FREM1: variants seen among roughly 807,000 people sequenced by gnomAD.
FREM1 encodes the protein FRAS1-related extracellular matrix protein 1.
In FREM1, 220 loss-of-function variants were observed where a neutral mutation model predicts 210.1. The observed-to-expected ratio is 1.05, with a 90% confidence interval of 0.94 to 1.17. FREM1 has a LOEUF of 1.17. Among genes scored for constraint, FREM1 ranks in the 50% most tolerant of loss-of-function variants. The pLI is 0.00. For missense variants in FREM1, 3,454 were observed against 2,675.5 expected (o/e 1.29, Z -6.42); for synonymous variants, 1,189 against 980.2 (o/e 1.21, Z -3.98).
At chr9:14,841,389 C>T in intron 10 of FREM1, 58 bp downstream of exon 10, 1 of 1,383,820 alleles carries the variant, frequency 7.2e-7, no homozygotes, top group Non-Finnish European at 9.7e-7. Flanking sequence ...AACCACATCT[C>T]CTAGAATTGA....
At chr9:14,873,160 GTA>G (rs1833017010) in intron 1 of FREM1, among the ~76,000 whole-genome samples, 1 of 152,068 alleles carries the variant, frequency 6.6e-6, no homozygotes, top group Non-Finnish European at 1.5e-5. Context: ...CCAGGCTTTG[GTA>G]TCAGGATGAT....
intron 14 of FREM1, 62 bp from the exon 15 acceptor site, chr9:14,816,933 T>C: frequency 1.9e-6 from 1 of 533,260 alleles, no homozygotes; most frequent in Non-Finnish European, 3.2e-6. Flanking sequence ...TTGAGATGCA[T>C]GATACATGAG....
At chr9:14,875,225 A>G (rs1418016327) in intron 1 of FREM1, among the ~76,000 whole-genome samples, 1 of 152,104 alleles carries the variant, frequency 6.6e-6, no homozygotes, top group African/African-American at 2.4e-5. Flanking sequence ...GCCTTGCTAG[A>G]TTGGGGAAGT....
intron 2 of FREM1, among the ~76,000 whole-genome samples, chr9:14,864,164 T>C (rs1489227619): frequency 6.6e-6 from 1 of 152,224 alleles, no homozygotes; most frequent in Non-Finnish European, 1.5e-5. Context: ...AAGGGATGAT[T>C]ACGTCTCTAA....
chr9:14,894,754 T>C lies in FREM1; in HGVS notation c.-268+15160A>G, dbSNP rs576075253. The stretch of plus-strand genomic sequence containing the variant: ...AATTTGGAGCATGTTTGTTTCTCTC[T>C]ACCTGATTTTGCCAGAATTTGGAAA... On this transcript the variant is annotated intron_variant, in intron 1 of 36. Transcript: ENST00000380880. 1.1e-4 allele frequency among the ~76,000 whole-genome samples: 17 copies of C among 152,366 alleles called. No individual in the cohort carries two copies. In the South Asian group the frequency reaches 3.5e-3, roughly 32 times the overall value.
At chr9:14,861,570 A>G (rs1564109799) in intron 3 of FREM1, among the ~76,000 whole-genome samples, 1 of 139,794 alleles carries the variant, frequency 7.2e-6, no homozygotes, top group East Asian at 2.1e-4. Flanking sequence ...GCAGTGCTGT[A>G]ATCTCGGCTC....
intron 10 of FREM1, among the ~76,000 whole-genome samples, chr9:14,834,787 T>C (rs952113323): frequency 1.2e-4 from 18 of 152,170 alleles, no homozygotes; most frequent in African/African-American, 4.1e-4. Context: ...TGTTCAAAAA[T>C]TGTATGGGTT....
chr9:14,865,673 G>A (rs1374489270), intron 2 of FREM1, among the ~76,000 whole-genome samples: 1 of 150,342 alleles, frequency 6.7e-6, no homozygotes, highest in African/African-American at 2.5e-5. Flanking sequence ...GTGTGTGTGT[G>A]TGTGTGTGTG....
chr9:14,880,742 A>T (rs1199744898), intron 1 of FREM1, among the ~76,000 whole-genome samples: 3 of 152,250 alleles, frequency 2.0e-5, no homozygotes, highest in African/African-American at 7.2e-5. Flanking sequence ...ACTTGAAAAT[A>T]AACATTTTTA....
intron 5 of FREM1, among the ~76,000 whole-genome samples, chr9:14,853,949 G>T (rs1473146842): frequency 6.6e-6 from 1 of 152,102 alleles, no homozygotes; most frequent in Non-Finnish European, 1.5e-5. Context: ...TAATAAAGTG[G>T]ATACAAATGA....
chr9:14,832,167 G>C (rs1229277783), intron 10 of FREM1, among the ~76,000 whole-genome samples: 1 of 152,196 alleles, frequency 6.6e-6, no homozygotes, highest in Non-Finnish European at 1.5e-5. Context: ...AGGGAAAACA[G>C]TTTCCCAAAA....
At chr9:14,809,846 G>C (rs955521278) in intron 16 of FREM1, among the ~76,000 whole-genome samples, 1 of 151,846 alleles carries the variant, frequency 6.6e-6, no homozygotes, top group African/African-American at 2.4e-5. Flanking sequence ...TCTAATGGTA[G>C]AGAAGGAAAT....
chr9:14,750,728 A>G (rs1843206488), intron 29 of FREM1, among the ~76,000 whole-genome samples: 1 of 151,974 alleles, frequency 6.6e-6, no homozygotes, highest in Non-Finnish European at 1.5e-5. Flanking sequence ...TGATTTCTTA[A>G]TCATTTCTAA....
At chr9:14,868,261 C>T (rs1439483492) in intron 2 of FREM1, among the ~76,000 whole-genome samples, 4 of 152,146 alleles carry the variant, frequency 2.6e-5, no homozygotes, top group Non-Finnish European at 5.9e-5. Context: ...TAACTCGGGG[C>T]AGGAATAACT....
chr9:14,777,245 C>A (rs1848763769), intron 24 of FREM1, among the ~76,000 whole-genome samples: 1 of 152,200 alleles, frequency 6.6e-6, no homozygotes, highest in African/African-American at 2.4e-5. Flanking sequence ...CATGAAATCA[C>A]ATTCTACCTA....
At chr9:14,818,803 C>T (rs745765680) in intron 14 of FREM1, among the ~76,000 whole-genome samples, 1 of 152,152 alleles carries the variant, frequency 6.6e-6, no homozygotes, top group African/African-American at 2.4e-5. Flanking sequence ...AATAAGGTTA[C>T]ATTAAGGACA....
intron 27 of FREM1, among the ~76,000 whole-genome samples, chr9:14,764,461 G>T (rs906550315): frequency 1.3e-5 from 2 of 152,160 alleles, no homozygotes; most frequent in Admixed American, 6.5e-5. Flanking sequence ...TTTGACTATT[G>T]TTAGGCTTTA....
At chr9:14,812,348 T>C (rs1236675014) in intron 16 of FREM1, among the ~76,000 whole-genome samples, 3 of 152,218 alleles carry the variant, frequency 2.0e-5, no homozygotes, top group Non-Finnish European at 4.4e-5. Flanking sequence ...AGTCATATAC[T>C]GGGTAAGACA....
At chr9:14,873,260 G>A (rs1833044863) in intron 1 of FREM1, among the ~76,000 whole-genome samples, 1 of 152,218 alleles carries the variant, frequency 6.6e-6, no homozygotes, top group Middle Eastern at 3.4e-3. Context: ...GCTCCTCCTT[G>A]TACCTCTGGT....
Sources: allele counts gnomAD v4.1 joint callset (sites outside exome capture counted in the v4.1 genomes callset), GRCh38; gene constraint gnomAD v4.1.1; transcripts MANE v1.5; gene names NCBI Gene and HGNC (gene_info 2026-07-23, HGNC 2026-07-21).